ORC4: variants seen among roughly 807,000 people sequenced by gnomAD.
ORC4 encodes the protein origin recognition complex subunit 4.
Under a neutral mutation model 63.9 loss-of-function variants are expected in ORC4, and 55 were observed. That is an observed-to-expected ratio of 0.86 (90% CI 0.69 to 1.08). The LOEUF is 1.08. Ranked by LOEUF, ORC4 falls within the 50% of genes least tolerant of loss-of-function variation. The probability of loss-of-function intolerance (pLI) is 0.00; values close to 1 mark genes in which losing one functional copy is unlikely to be tolerated. For synonymous variants in ORC4, 150 were observed against 168.5 expected, an observed-to-expected ratio of 0.89 and a Z score of 0.85; for missense variants, 511 against 504.4, an observed-to-expected ratio of 1.01 and a Z score of -0.13.
chr2:147,980,460 G>C (rs952976159), intron 1 of ORC4, among the ~76,000 whole-genome samples: 32 of 151,704 alleles, frequency 2.1e-4, no homozygotes, highest in Admixed American at 1.2e-3. Context: ...TGGATACAGA[G>C]GGATGACTGT....
chr2:147,951,831 T>C (rs1390281773), intron 8 of ORC4, among the ~76,000 whole-genome samples: 1 of 152,186 alleles, frequency 6.6e-6, no homozygotes, highest in Non-Finnish European at 1.5e-5. Flanking sequence ...TGGTTCAATA[T>C]GTACAGAGCC....
chr2:147,987,628 G>A (rs1474488280), intron 1 of ORC4, among the ~76,000 whole-genome samples: 1 of 152,064 alleles, frequency 6.6e-6, no homozygotes, highest in Non-Finnish European at 1.5e-5. Flanking sequence ...GAAAACAGGT[G>A]TGAACATGTC....
At chr2:147,984,935 G>A (rs984990192) in intron 1 of ORC4, among the ~76,000 whole-genome samples, 1 of 152,162 alleles carries the variant, frequency 6.6e-6, no homozygotes, top group South Asian at 2.1e-4. Flanking sequence ...TTCAACTGAG[G>A]TGGCTTATTT....
chr2:147,972,945 C>A (rs748404461), intron 3 of ORC4, 116 bp from the exon 4 acceptor site: 63 of 686,794 alleles, frequency 9.2e-5, no homozygotes, highest in Non-Finnish European at 1.4e-4. Flanking sequence ...TTCTCTCCCT[C>A]TGGGTACTTG....
In ORC4 at chr2:147,946,185, T is replaced by C. The variant is rs183311770; in HGVS notation, c.762+1866A>G. ...GCATCCTCTTTATTTATAGACTCAATTTGAGATGCTCAGAATGCAACACAG... is the reference window on the plus strand; with the variant it reads ...GCATCCTCTTTATTTATAGACTCAACTTGAGATGCTCAGAATGCAACACAG... On this transcript the variant is annotated intron_variant, in intron 9 of 13. Coordinates refer to ENST00000392857, the MANE Select transcript of ORC4 (RefSeq NM_181741.4). Among the ~76,000 whole-genome samples the C allele has an allele frequency of 2.0e-5, 3 of 152,118 alleles. No individual in the cohort carries two copies. In the East Asian group the frequency reaches 5.8e-4, roughly 29 times the overall value.
intron 2 of ORC4, among the ~76,000 whole-genome samples, chr2:147,975,088 C>T (rs1690466268): frequency 6.6e-6 from 1 of 151,922 alleles, no homozygotes; most frequent in Non-Finnish European, 1.5e-5. Context: ...AAAAGAAAGC[C>T]AAGTCGTATA....
Position 147,931,326 on chromosome 2 carries a change from T to C in ORC4, c.*4184A>G, listed in dbSNP as rs1245845399. 6.6e-6 allele frequency: 1 copy of C among 151,954 alleles called. No individual in the cohort carries two copies. Among genetic ancestry groups the C allele is most frequent in the African/African-American group, 2.4e-5 (1 of 41,354 alleles). 9.4% of individuals were successfully genotyped at this position (151,954 alleles called of 1,614,324 possible). A position where few individuals can be genotyped will look rare whatever the true frequency, so the allele number is the denominator to read the frequency against. On this transcript the variant is annotated 3_prime_UTR_variant, in exon 14 of 14. Transcript: ENST00000392857. Reference sequence around the variant, plus strand: ...ATGCCACAATAAACATACGTGTGCATGTGTCTTTATAGCAGCATGATTTAT... The same window carrying C: ...ATGCCACAATAAACATACGTGTGCACGTGTCTTTATAGCAGCATGATTTAT...
chr2:147,999,442 T>A (rs1163662471), intron 1 of ORC4, among the ~76,000 whole-genome samples: 1 of 152,198 alleles, frequency 6.6e-6, no homozygotes, highest in Non-Finnish European at 1.5e-5. Flanking sequence ...CAGGATAACA[T>A]TTTAAACTTG....
At chr2:147,960,005 T>C (rs1573791627) in intron 4 of ORC4, among the ~76,000 whole-genome samples, 1 of 152,076 alleles carries the variant, frequency 6.6e-6, no homozygotes, top group East Asian at 1.9e-4. Context: ...TTATTTTTTA[T>C]TTTTTTTGCA....
chr2:147,935,004 A>G lies in ORC4; in HGVS notation c.*506T>C, dbSNP rs954273309. The G allele has an allele frequency of 1.9e-5, 3 of 155,176 alleles. No homozygotes were observed. The highest frequency in any genetic ancestry group is 7.2e-5 in the African/African-American group (3 of 41,448). 9.6% of individuals were successfully genotyped at this position (155,176 alleles called of 1,614,324 possible). ...CTCCTTGGCCTTTTTCTTCCATGGAACCATCTTCTGACTAAGCTGGTTAGT... is the reference window on the plus strand; with the variant it reads ...CTCCTTGGCCTTTTTCTTCCATGGAGCCATCTTCTGACTAAGCTGGTTAGT... On this transcript the variant is annotated 3_prime_UTR_variant, in exon 14 of 14. Transcript: ENST00000392857.
At chr2:147,944,980 TA>T (rs1023171174) in intron 9 of ORC4, among the ~76,000 whole-genome samples, 5 of 151,736 alleles carry the variant, frequency 3.3e-5, no homozygotes, top group Non-Finnish European at 7.4e-5. Context: ...AGGGTGAACA[TA>T]AAAAAAACAA....
chr2:148,009,294 A>G (rs1157210464), intron 1 of ORC4, among the ~76,000 whole-genome samples: 1 of 152,178 alleles, frequency 6.6e-6, no homozygotes, highest in Non-Finnish European at 1.5e-5. Flanking sequence ...AGGCAGTAGT[A>G]AGTCCTTACC....
chr2:147,972,951 A>G (rs1419663845), intron 3 of ORC4, 122 bp from the exon 4 acceptor site: 3 of 668,292 alleles, frequency 4.5e-6, no homozygotes, highest in Non-Finnish European at 8.1e-6. Flanking sequence ...CCCTCTGGGT[A>G]CTTGGCCTAG....
intron 1 of ORC4, among the ~76,000 whole-genome samples, chr2:148,020,237 G>A (rs1693615469): frequency 6.6e-6 from 1 of 152,156 alleles, no homozygotes. Context: ...TGATGCATCT[G>A]GTCAAAATGC....
At chr2:147,968,492 T>C (rs1690024409) in intron 4 of ORC4, among the ~76,000 whole-genome samples, 1 of 152,054 alleles carries the variant, frequency 6.6e-6, no homozygotes, top group South Asian at 2.1e-4. Context: ...TGAACAGACA[T>C]TTCTGAAAGG....
intron 1 of ORC4, among the ~76,000 whole-genome samples, chr2:147,995,656 C>T (rs1394801694): frequency 2.0e-5 from 3 of 151,762 alleles, no homozygotes; most frequent in Admixed American, 6.6e-5. Context: ...ACTCCAGACG[C>T]GCCACCTTTA....
chr2:147,972,852 A>C (rs746207835), intron 3 of ORC4, 23 bp from the exon 4 acceptor site: 2 of 1,452,080 alleles, frequency 1.4e-6, no homozygotes, highest in Middle Eastern at 1.8e-4. Flanking sequence ...AAATAGGACA[A>C]AATTTTAAAA....
At chr2:147,952,346 A>G (rs1276981574) in intron 8 of ORC4, 27 bp downstream of exon 8, 24 of 1,512,688 alleles carry the variant, frequency 1.6e-5, no homozygotes, top group Middle Eastern at 1.8e-4. Context: ...ATTATAATCA[A>G]TTTTTTTAAT....
intron 9 of ORC4, among the ~76,000 whole-genome samples, chr2:147,946,703 T>C (rs1296313562): frequency 6.6e-6 from 1 of 152,042 alleles, no homozygotes; most frequent in Non-Finnish European, 1.5e-5. Flanking sequence ...TTACATACAA[T>C]TATGTATAGT....
Sources: allele counts gnomAD v4.1 joint callset (sites outside exome capture counted in the v4.1 genomes callset), GRCh38; gene constraint gnomAD v4.1.1; transcripts MANE v1.5; gene names NCBI Gene and HGNC (gene_info 2026-07-23, HGNC 2026-07-21).